SLC25A48: variants seen among roughly 807,000 people sequenced by gnomAD.
SLC25A48 encodes the protein solute carrier family 25 member 48.
Under a neutral mutation model 32.2 loss-of-function variants are expected in SLC25A48, and 29 were observed. That is an observed-to-expected ratio of 0.90 (90% CI 0.67 to 1.23). The LOEUF (loss-of-function observed/expected upper bound fraction) is 1.23, where lower values mean the gene tolerates loss of function less well. Ranked by LOEUF, SLC25A48 falls within the 50% of genes most tolerant of loss-of-function variation. SLC25A48 has a pLI of 0.00. For synonymous variants in SLC25A48, 164 were observed against 172.3 expected (o/e 0.95, Z 0.38); for missense variants, 399 against 422.7 (o/e 0.94, Z 0.49).
At chr5:135,595,325 A>G (rs1375693904) in intron 1 of SLC25A48, among the ~76,000 whole-genome samples, 2 of 152,162 alleles carry the variant, frequency 1.3e-5, no homozygotes, top group African/African-American at 4.8e-5. Flanking sequence ...GTTGTGGGAC[A>G]TGGTGATTCC....
chr5:135,809,939 G>A (rs1341930032), intron 3 of SLC25A48, among the ~76,000 whole-genome samples: 3 of 152,176 alleles, frequency 2.0e-5, no homozygotes, highest in Non-Finnish European at 4.4e-5. Context: ...CTGGACTCAA[G>A]CGATCCTCCT....
chr5:135,582,140 G>A (rs1168594425), intron 1 of SLC25A48, among the ~76,000 whole-genome samples: 1 of 152,206 alleles, frequency 6.6e-6, no homozygotes, highest in Non-Finnish European at 1.5e-5. Flanking sequence ...CACAGAGGAG[G>A]GAGGAAGTGG....
chr5:135,679,994 G>T (rs1753858020), intron 3 of SLC25A48, among the ~76,000 whole-genome samples: 1 of 152,124 alleles, frequency 6.6e-6, no homozygotes, highest in African/African-American at 2.4e-5. Flanking sequence ...TGGGAACGTG[G>T]ACCTCTGGGA....
In SLC25A48 at chr5:135,582,438, G is replaced by A. The variant is rs1466772276; in HGVS notation, c.-849+2841G>A. Among the ~76,000 whole-genome samples, 4 of 152,260 alleles carry A rather than the reference G, an allele frequency of 2.6e-5. No individual in the cohort carries two copies. The East Asian group carries it at 7.7e-4, about 29-fold the overall frequency. Reference sequence around the variant, plus strand: ...AGGAGACTCATCAGGGGATCTGACAGGGTGACGAGGTGGGGACAAATTCCT... The same window carrying A: ...AGGAGACTCATCAGGGGATCTGACAAGGTGACGAGGTGGGGACAAATTCCT... On this transcript the variant is annotated intron_variant, in intron 1 of 10. Coordinates refer to the SLC25A48 transcript ENST00000646290.
At chr5:135,779,040 T>C (rs1756651105) in intron 3 of SLC25A48, among the ~76,000 whole-genome samples, 1 of 151,876 alleles carries the variant, frequency 6.6e-6, no homozygotes, top group South Asian at 2.1e-4. Flanking sequence ...AAAGATGATA[T>C]TACTTCCAAT....
At chr5:135,810,395 T>C (rs1239931701) in intron 3 of SLC25A48, among the ~76,000 whole-genome samples, 1 of 152,206 alleles carries the variant, frequency 6.6e-6, no homozygotes, top group Non-Finnish European at 1.5e-5. Context: ...TTTTGGGTAA[T>C]ATGGCCCCAG....
At chr5:135,728,378 A>G (rs986791872) in intron 3 of SLC25A48, among the ~76,000 whole-genome samples, 3 of 152,174 alleles carry the variant, frequency 2.0e-5, no homozygotes, top group African/African-American at 7.2e-5. Context: ...AGTGTATACA[A>G]CCTATATAGA....
In SLC25A48 at chr5:135,612,536, C is replaced by T. The variant is rs370123816; in HGVS notation, c.-848-16701C>T. Among the ~76,000 whole-genome samples, 27 of 152,302 alleles carry T rather than the reference C, an allele frequency of 1.8e-4. 1 individual carries two copies. Among genetic ancestry groups the T allele is most frequent in the African/African-American group, 6.3e-4 (26 of 41,566 alleles). On this transcript the variant is annotated intron_variant, in intron 1 of 10. Coordinates refer to the SLC25A48 transcript ENST00000646290. ...CTCTTTTCATCTCTCCACCCCTGCC[C>T]TGCCACGTACACACCCTTCCCAGCC...
At chr5:135,690,111 A>C (rs1365742205) in intron 3 of SLC25A48, among the ~76,000 whole-genome samples, 2 of 152,168 alleles carry the variant, frequency 1.3e-5, no homozygotes, top group East Asian at 3.9e-4. Context: ...TGCTAAAACC[A>C]GGATGGTTCC....
At chr5:135,811,947 T>TGG (rs1010364063) in intron 3 of SLC25A48, among the ~76,000 whole-genome samples, 9 of 152,146 alleles carry the variant, frequency 5.9e-5, no homozygotes, top group African/African-American at 1.9e-4. Context: ...CTGGGTGTGG[T>TGG]GGCATGGGCC....
intron 2 of SLC25A48, among the ~76,000 whole-genome samples, chr5:135,631,229 TGGAAAATGAGAAAAGGAAATA>T (rs1286935788): frequency 3.3e-5 from 5 of 152,174 alleles, no homozygotes; most frequent in Non-Finnish European, 7.3e-5. Flanking sequence ...GAGTAGAGAA[TGGAAAATGAGAAAAGGAAATA>T]GTCTGTAAGA....
chr5:135,777,830 G>T (rs1313898861), intron 3 of SLC25A48, among the ~76,000 whole-genome samples: 1 of 149,964 alleles, frequency 6.7e-6, no homozygotes, highest in Non-Finnish European at 1.5e-5. Flanking sequence ...TGCAGGGGCT[G>T]TACACCCACA....
chr5:135,715,705 G>A (rs757231852), intron 3 of SLC25A48, among the ~76,000 whole-genome samples: 2 of 152,196 alleles, frequency 1.3e-5, no homozygotes, highest in Non-Finnish European at 2.9e-5. Flanking sequence ...CTACTAATCC[G>A]TCAGCTCTAT....
At chr5:135,797,935 A>C (rs530456102) in intron 3 of SLC25A48, among the ~76,000 whole-genome samples, 1 of 152,102 alleles carries the variant, frequency 6.6e-6, no homozygotes, top group South Asian at 2.1e-4. Context: ...CCAATACCGC[A>C]TGGGGTGTAC....
At chr5:135,842,372 G>A (rs1042951663) in intron 1 of SLC25A48, 44 bp from the exon 2 acceptor site, 33 of 1,605,860 alleles carry the variant, frequency 2.1e-5, no homozygotes, top group Admixed American at 3.3e-5. Context: ...TGTAAGCCAG[G>A]AGTCCAAGGG....
chr5:135,842,309 A>G lies in SLC25A48; in HGVS notation c.47-107A>G, dbSNP rs938246803. The G allele has an allele frequency of 2.5e-5, 29 of 1,165,652 alleles. No homozygotes were observed. The Admixed American group carries it at 4.1e-4, about 16-fold the overall frequency. 72.2% of individuals were successfully genotyped at this position (1,165,652 alleles called of 1,614,324 possible). A position where few individuals can be genotyped will look rare whatever the true frequency, so the allele number is the denominator to read the frequency against. On this transcript the variant is annotated intron_variant, in intron 1 of 7. Coordinates refer to ENST00000681962, the MANE Select transcript of SLC25A48 (RefSeq NM_001349336.2). ...GGAGCCCACCCACTCCCCCTACCCC[A>G]GCAATTGACCGTTGACTAAACAAGT...
chr5:135,853,281 T>A (rs533976280), intron 4 of SLC25A48, among the ~76,000 whole-genome samples: 2 of 152,314 alleles, frequency 1.3e-5, no homozygotes, highest in East Asian at 3.9e-4. Context: ...CTGTGGCAAT[T>A]TCTTAAAATA....
intron 3 of SLC25A48, among the ~76,000 whole-genome samples, chr5:135,643,708 T>A (rs1290829591): frequency 1.3e-5 from 2 of 152,180 alleles, no homozygotes; most frequent in Non-Finnish European, 2.9e-5. Context: ...ATCTTGTTCT[T>A]GGCCTTGGGG....
chr5:135,753,798 C>T (rs918611679), intron 3 of SLC25A48, among the ~76,000 whole-genome samples: 12 of 151,732 alleles, frequency 7.9e-5, no homozygotes, highest in East Asian at 3.9e-4. Flanking sequence ...AGTGTGATAC[C>T]GCACTGTGAT....
Sources: allele counts gnomAD v4.1 joint callset (sites outside exome capture counted in the v4.1 genomes callset), GRCh38; gene constraint gnomAD v4.1.1; transcripts MANE v1.5; gene names NCBI Gene and HGNC (gene_info 2026-07-23, HGNC 2026-07-21).